The following RBMS3 variants were observed in gnomAD, a reference collection of about 807,000 sequenced individuals.
RBMS3 encodes the protein RNA binding motif single stranded interacting protein 3.
In RBMS3, 27 loss-of-function variants were observed where a neutral mutation model predicts 66.8. That is an observed-to-expected ratio of 0.40 (90% CI 0.30 to 0.56). The LOEUF (loss-of-function observed/expected upper bound fraction) is 0.56, where lower values mean the gene tolerates loss of function less well. Among genes scored for constraint, RBMS3 ranks in the 20% least tolerant of loss-of-function variants. The pLI is 0.40. For synonymous variants in RBMS3, 188 were observed against 183.0 expected (o/e 1.03, Z -0.22); for missense variants, 513 against 549.5 (o/e 0.93, Z 0.66).
chr3:29,461,920 A>ATTTTTTTTTTTTTTTTT lies in RBMS3; in HGVS notation c.249-26508_249-26492dup, dbSNP rs61115023. Among the ~76,000 whole-genome samples, 3 of 93,298 alleles carry ATTTTTTTTTTTTTTTTT rather than the reference A, an allele frequency of 3.2e-5. 1 individual carries two copies. The highest frequency in any genetic ancestry group is 8.2e-5 in the African/African-American group (2 of 24,428). 61.2% of individuals were successfully genotyped at this position (93,298 alleles called of 152,430 possible). A position where few individuals can be genotyped will look rare whatever the true frequency, so the allele number is the denominator to read the frequency against. On this transcript the variant is annotated intron_variant, in intron 2 of 14. Transcript: ENST00000383767. ...AGGCACCCGCCACCATGCCCGGCTA[A>ATTTTTTTTTTTTTTTTT]TTTTTTTTTTTTTTTTTTTTTTTTT...
At chr3:29,338,052 CAGAA>C (rs2036056441) in intron 1 of RBMS3, among the ~76,000 whole-genome samples, 1 of 152,108 alleles carries the variant, frequency 6.6e-6, no homozygotes, top group Non-Finnish European at 1.5e-5. Flanking sequence ...TATCAAGTGA[CAGAA>C]AGCCTCAAGA....
At chr3:29,664,361 G>A (rs1044548100) in intron 4 of RBMS3, among the ~76,000 whole-genome samples, 13 of 152,174 alleles carry the variant, frequency 8.5e-5, no homozygotes, top group Non-Finnish European at 1.3e-4. Context: ...GGTGGTGTGC[G>A]CCTGTAGTCC....
At chr3:29,869,799 A>G (rs1391247659) in intron 7 of RBMS3, among the ~76,000 whole-genome samples, 1 of 152,188 alleles carries the variant, frequency 6.6e-6, no homozygotes, top group African/African-American at 2.4e-5. Context: ...CATACTTTCA[A>G]GAGAAGAGCT....
rs560460254 is a variant in RBMS3, at chr3:29,618,019, A to G, written c.399+30814A>G. Among the ~76,000 whole-genome samples the G allele has an allele frequency of 3.3e-5, 5 of 152,282 alleles. No homozygotes were observed. In the South Asian group the frequency reaches 8.3e-4, roughly 25 times the overall value. On this transcript the variant is annotated intron_variant, in intron 4 of 14. Coordinates refer to ENST00000383767, the MANE Select transcript of RBMS3 (RefSeq NM_001003793.3). ...TAAAAGAAGTAGGGAGGCTACATCC[A>G]TATGTTCATGTATGATGCTGTAAAA...
intron 4 of RBMS3, among the ~76,000 whole-genome samples, chr3:29,652,959 A>C (rs574310384): frequency 8.7e-4 from 133 of 152,338 alleles, no homozygotes; most frequent in African/African-American, 3.2e-3. Context: ...AATGGGTAGC[A>C]GCAGATTTTA....
At chr3:29,866,124 T>C (rs993664348) in intron 6 of RBMS3, among the ~76,000 whole-genome samples, 1 of 147,584 alleles carries the variant, frequency 6.8e-6, no homozygotes, top group Admixed American at 6.7e-5. Flanking sequence ...TAACATTCCT[T>C]GGTTAAAAAA....
At chr3:29,884,471 C>T (rs144761503) in intron 8 of RBMS3, among the ~76,000 whole-genome samples, 11,495 of 37,902 alleles carry the variant, frequency 0.3, 1,512 homozygotes, top group Middle Eastern at 0.39. Flanking sequence ...TCTCTCTCTC[C>T]CCCCCCGCTC....
At chr3:29,419,270 A>C (rs1364188876) in intron 1 of RBMS3, among the ~76,000 whole-genome samples, 1 of 152,126 alleles carries the variant, frequency 6.6e-6, no homozygotes, top group African/African-American at 2.4e-5. Flanking sequence ...CACCTGTATA[A>C]ACTGTTCTAC....
intron 4 of RBMS3, among the ~76,000 whole-genome samples, chr3:29,608,605 T>C (rs1041434358): frequency 2.6e-5 from 4 of 152,032 alleles, no homozygotes; most frequent in Non-Finnish European, 5.9e-5. Context: ...CATCTAAGTT[T>C]TATACATAGT....
chr3:29,523,621 AG>A (rs1219294437), intron 3 of RBMS3, among the ~76,000 whole-genome samples: 1 of 152,190 alleles, frequency 6.6e-6, no homozygotes, highest in African/African-American at 2.4e-5. Flanking sequence ...TGATTCTTGA[AG>A]CCTTAATATT....
intron 12 of RBMS3, among the ~76,000 whole-genome samples, chr3:29,959,012 A>T (rs1263958982): frequency 2.6e-5 from 4 of 152,200 alleles, no homozygotes; most frequent in African/African-American, 9.6e-5. Context: ...TAATGAGAAG[A>T]TACAAGAATT....
At chr3:29,418,816 T>C (rs1413456463) in intron 1 of RBMS3, among the ~76,000 whole-genome samples, 3 of 152,176 alleles carry the variant, frequency 2.0e-5, no homozygotes, top group African/African-American at 7.2e-5. Flanking sequence ...ATAGCAAAAG[T>C]CCTATGTTGT....
intron 4 of RBMS3, among the ~76,000 whole-genome samples, chr3:29,670,570 A>G (rs1034546928): frequency 6.6e-6 from 1 of 152,154 alleles, no homozygotes; most frequent in East Asian, 1.9e-4. Flanking sequence ...TGCTTTTCCA[A>G]TGGTCTTAGC....
At chr3:29,554,415 G>C (rs886665820) in intron 3 of RBMS3, among the ~76,000 whole-genome samples, 1 of 152,132 alleles carries the variant, frequency 6.6e-6, no homozygotes, top group Non-Finnish European at 1.5e-5. Flanking sequence ...GTCAATGCTG[G>C]CTCATGCTAT....
intron 2 of RBMS3, among the ~76,000 whole-genome samples, chr3:29,446,883 C>T (rs1459173338): frequency 4.9e-5 from 6 of 121,218 alleles, no homozygotes; most frequent in African/African-American, 1.2e-4. Flanking sequence ...AGGAGTGTTT[C>T]TTCAATGCTT....
At chr3:29,284,059 C>T (rs1185574494) in intron 1 of RBMS3, among the ~76,000 whole-genome samples, 1 of 152,102 alleles carries the variant, frequency 6.6e-6, no homozygotes, top group African/African-American at 2.4e-5. Context: ...TCCTTCTACA[C>T]TTATACCTCA....
chr3:29,922,283 C>G (rs867183953), intron 10 of RBMS3, among the ~76,000 whole-genome samples: 6 of 151,390 alleles, frequency 4.0e-5, no homozygotes, highest in South Asian at 2.1e-4. Context: ...GTCAGGAGAT[C>G]GAGACCATCC....
At position 29,368,516 on chromosome 3, in the gene RBMS3, G is replaced by A. The variant is rs143849863; in HGVS notation, c.76-66227G>A. On this transcript the variant is annotated intron_variant, in intron 1 of 14. Transcript: ENST00000383767. ...TGAATTCTAAAAGGCTTCAATCTGA[G>A]CTATTTTTCACATCACTACTGAAAA... Among the ~76,000 whole-genome samples the A allele has an allele frequency of 4.0e-5, 6 of 151,764 alleles. 1 individual carries two copies. The East Asian group carries it at 1.2e-3, about 29-fold the overall frequency.
chr3:30,001,038 T>TAAA (rs10640996), intron 14 of RBMS3, among the ~76,000 whole-genome samples: 30 of 151,594 alleles, frequency 2.0e-4, no homozygotes, highest in Non-Finnish European at 3.1e-4. Context: ...TAAAGTATAA[T>TAAA]AAAAAAAAGA....
Sources: gnomAD v4.1 joint callset for allele counts (sites outside exome capture counted in the v4.1 genomes callset) on GRCh38, gnomAD v4.1.1 for gene constraint, MANE v1.5 for transcripts, NCBI Gene and HGNC (gene_info 2026-07-23, HGNC 2026-07-21) for gene names.